CAST: variants seen among roughly 807,000 people sequenced by gnomAD.
The protein encoded by CAST is calpastatin.
A neutral mutation model predicts 119.6 loss-of-function variants in CAST; 76 were observed. The observed-to-expected ratio is 0.64, with a 90% CI of 0.53 to 0.77. The LOEUF (loss-of-function observed/expected upper bound fraction) is 0.77. Ranked by LOEUF, CAST falls within the 30% of genes least tolerant of loss-of-function variation. CAST has a pLI of 0.00. For synonymous variants in CAST, 319 were observed against 331.6 expected (o/e 0.96, Z 0.41); for missense variants, 953 against 946.5 (o/e 1.01, Z -0.09).
intron 3 of CAST, 164 bp downstream of exon 3, chr5:96,696,071 G>T (rs1753256208): frequency 4.9e-6 from 2 of 408,110 alleles, no homozygotes; most frequent in South Asian, 7.0e-5. Context: ...TCTTAATAAT[G>T]ATGTGAATGA....
chr5:96,043,896 G>A, the CAST span, among the ~76,000 whole-genome samples: 1 of 152,144 alleles, frequency 6.6e-6, no homozygotes, highest in South Asian at 2.1e-4. Flanking sequence ...AATCAATGCA[G>A]GGAAGGCAAA....
chr5:96,506,154 G>T, the CAST span, among the ~76,000 whole-genome samples: 7 of 152,320 alleles, frequency 4.6e-5, no homozygotes, highest in South Asian at 4.1e-4. Context: ...CTCTTTGATG[G>T]CAGGAATATT....
the CAST span, among the ~76,000 whole-genome samples, chr5:96,283,657 C>T: frequency 5.9e-5 from 9 of 152,342 alleles, no homozygotes; most frequent in African/African-American, 2.2e-4. Context: ...GAAGGAATAA[C>T]CTGAGTCCAG....
intron 3 of CAST, among the ~76,000 whole-genome samples, chr5:96,708,138 T>C (rs896501483): frequency 1.3e-5 from 2 of 152,244 alleles, no homozygotes; most frequent in Non-Finnish European, 2.9e-5. Flanking sequence ...ATTCTCATGC[T>C]AACAATATGT....
At chr5:96,344,589 C>T in the CAST span, among the ~76,000 whole-genome samples, 3 of 152,170 alleles carry the variant, frequency 2.0e-5, no homozygotes, top group Admixed American at 2.0e-4. Context: ...TTCTCACAAT[C>T]AGACCTTGAC....
intron 9 of CAST, among the ~76,000 whole-genome samples, chr5:96,734,967 G>A (rs771281827): frequency 8.5e-5 from 13 of 152,086 alleles, no homozygotes; most frequent in Admixed American, 5.2e-4. Flanking sequence ...TGGGGAGAGA[G>A]GGAGGGGAAG....
chr5:96,225,379 G>A, the CAST span, among the ~76,000 whole-genome samples: 76 of 152,014 alleles, frequency 5.0e-4, no homozygotes, highest in Middle Eastern at 3.4e-3. Context: ...TGTTCAAGAC[G>A]GTGTGTAAAT....
chr5:96,147,052 C>G, the CAST span, among the ~76,000 whole-genome samples: 1 of 152,196 alleles, frequency 6.6e-6, no homozygotes, highest in South Asian at 2.1e-4. Flanking sequence ...CCTGTCTCTA[C>G]CACAGTACCA....
At chr5:96,106,620 G>T in the CAST span, among the ~76,000 whole-genome samples, 1 of 147,430 alleles carries the variant, frequency 6.8e-6, no homozygotes, top group East Asian at 2.0e-4. Flanking sequence ...TTTTACATTT[G>T]CTGAGGAGAG....
chr5:96,201,891 C>G, the CAST span, among the ~76,000 whole-genome samples: 6 of 151,806 alleles, frequency 4.0e-5, no homozygotes, highest in African/African-American at 1.2e-4. Flanking sequence ...TTAGACAAAT[C>G]CAACTTTAAG....
the CAST span, among the ~76,000 whole-genome samples, chr5:96,298,877 A>AGCGTGTGT: frequency 3.0e-5 from 1 of 32,976 alleles, no homozygotes; most frequent in Admixed American, 3.0e-4. Context: ...CTAAATTAGG[A>AGCGTGTGT]GAGTGTGTGT....
At chr5:96,706,441 A>T (rs1408616174) in intron 3 of CAST, among the ~76,000 whole-genome samples, 1 of 152,236 alleles carries the variant, frequency 6.6e-6, no homozygotes, top group African/African-American at 2.4e-5. Flanking sequence ...CGATACTGTA[A>T]AAGCGGAGTG....
At chr5:96,238,066 A>G in the CAST span, among the ~76,000 whole-genome samples, 1 of 152,094 alleles carries the variant, frequency 6.6e-6, no homozygotes, top group Non-Finnish European at 1.5e-5. Flanking sequence ...ATACAATGTT[A>G]TTTTTTCAGA....
intron 1 of CAST, among the ~76,000 whole-genome samples, chr5:96,648,681 A>G (rs1221139794): frequency 6.6e-6 from 1 of 151,652 alleles, no homozygotes; most frequent in Non-Finnish European, 1.5e-5. Flanking sequence ...GTACCTCTGC[A>G]TTGTGAAACT....
the CAST span, among the ~76,000 whole-genome samples, chr5:96,433,443 C>T: frequency 2.0e-5 from 3 of 152,196 alleles, no homozygotes; most frequent in Non-Finnish European, 4.4e-5. Context: ...TAAGTCTGCT[C>T]CTTGTCTGCC....
At chr5:96,574,551 TGCATCAATTTTTCCTTTTATG>T (rs1746632192) in intron 1 of CAST, among the ~76,000 whole-genome samples, 2 of 152,358 alleles carry the variant, frequency 1.3e-5, no homozygotes, top group East Asian at 3.9e-4. Context: ...TGAAGTTCAA[TGCATCAATTTTTCCTTTTATG>T]GATTGTATTT....
At chr5:96,702,700 G>C (rs988386671) in intron 3 of CAST, 1 of 852,140 alleles carries the variant, frequency 1.2e-6, no homozygotes, top group Non-Finnish European at 1.4e-6. Context: ...CACGGAGCGG[G>C]ACCTCCCTCC....
At chr5:96,516,878 TTAG>T in the CAST span, among the ~76,000 whole-genome samples, 2 of 152,202 alleles carry the variant, frequency 1.3e-5, no homozygotes, top group African/African-American at 4.8e-5. Context: ...TCCCAAAACA[TTAG>T]ATCTGAAAGG....
intron 1 of CAST, among the ~76,000 whole-genome samples, chr5:96,580,487 C>G (rs902398230): frequency 3.3e-5 from 5 of 152,214 alleles, no homozygotes; most frequent in Non-Finnish European, 5.9e-5. Flanking sequence ...GTTATGGGCC[C>G]TTCATGCTCT....
Sources: gnomAD v4.1 joint callset for allele counts (sites outside exome capture counted in the v4.1 genomes callset) on GRCh38, gnomAD v4.1.1 for gene constraint, MANE v1.5 for transcripts, NCBI Gene and HGNC (gene_info 2026-07-23, HGNC 2026-07-21) for gene names.